Variants in MAPK6 observed in about 807,000 individuals in gnomAD.
The protein encoded by MAPK6 is mitogen-activated protein kinase 6.
A neutral mutation model predicts 59.3 loss-of-function variants in MAPK6; 19 were observed. That is an observed-to-expected ratio of 0.32 (90% CI 0.22 to 0.47). MAPK6 has a LOEUF of 0.47. MAPK6 is among the 20% of genes least tolerant of loss of function. The pLI, the probability that MAPK6 is intolerant of heterozygous loss-of-function variation, is 1.00. For missense variants in MAPK6, 724 were observed against 847.9 expected (o/e 0.85, Z 1.81); for synonymous variants, 316 against 290.3 (o/e 1.09, Z -0.90).
At position 52,034,393 on chromosome 15, in the gene MAPK6, A is replaced by G. The variant is rs137932797; in HGVS notation, c.-631-11437A>G. ...CGATGGCTGATCTCGGCTCATGGCA[A>G]CCTCTGCCTCCCGGGTTCAAGCAGT... On this transcript the variant is annotated intron_variant, in intron 1 of 5. Coordinates refer to ENST00000261845, the MANE Select transcript of MAPK6 (RefSeq NM_002748.4). Among the ~76,000 whole-genome samples the G allele has an allele frequency of 3.0e-3, 460 of 151,644 alleles. 4 individuals carry two copies. Among genetic ancestry groups the G allele is most frequent in the African/African-American group, 0.01 (430 of 41,334 alleles).
intron 1 of MAPK6, among the ~76,000 whole-genome samples, chr15:52,023,995 G>A (rs994290232): frequency 1.3e-5 from 2 of 152,140 alleles, no homozygotes; most frequent in Non-Finnish European, 2.9e-5. Flanking sequence ...TTGAATGTTT[G>A]TATAGCAAAT....
At chr15:52,045,324 T>C (rs2141084141) in intron 1 of MAPK6, among the ~76,000 whole-genome samples, 1 of 152,356 alleles carries the variant, frequency 6.6e-6, no homozygotes, top group East Asian at 1.9e-4. Flanking sequence ...ATAGGTATTA[T>C]TCATTGTTCA....
At chr15:52,031,311 CA>C (rs2031024794) in intron 1 of MAPK6, among the ~76,000 whole-genome samples, 1 of 152,022 alleles carries the variant, frequency 6.6e-6, no homozygotes, top group Admixed American at 6.6e-5. Flanking sequence ...CTATACTTGT[CA>C]ATAAAAAAAT....
At position 52,064,351 on chromosome 15, in the gene MAPK6, C is replaced by T. The variant is rs200496473; in HGVS notation, c.1517C>T (p.Ala506Val). The change falls in exon 6 of 6, where the codon GCG becomes GTG. Residue 506 changes from alanine to valine, a missense_variant. Around this residue, in one of 4 missense-constraint regions of MAPK6, gnomAD observed 502 missense variants for 507.6 expected, o/e 0.99. Coordinates refer to ENST00000261845, the MANE Select transcript of MAPK6 (RefSeq NM_002748.4). ...AATGGATTGGTTAAAGCCCAGATAG[C>T]GCTAGAGGAAGCATCACAGCAACTG... ...ERNGLVKAQI[A>V]LEEASQQLAG... is the part of the protein sequence containing the mutation. 15 of 1,611,378 alleles carry T rather than the reference C, an allele frequency of 9.3e-6. No individual in the cohort carries two copies. Among genetic ancestry groups the T allele is most frequent in the Middle Eastern group, 2.3e-4 (1 of 4,428 alleles).
intron 1 of MAPK6, among the ~76,000 whole-genome samples, chr15:52,029,004 C>T (rs925087231): frequency 6.6e-6 from 1 of 152,180 alleles, no homozygotes; most frequent in Admixed American, 6.5e-5. Context: ...GACATATGTT[C>T]TTGTTTTCCT....
chr15:52,058,916 A>G (rs2032090367), intron 4 of MAPK6, 119 bp downstream of exon 4: 2 of 716,878 alleles, frequency 2.8e-6, no homozygotes, highest in South Asian at 7.3e-5. Flanking sequence ...GTCTTTAGAC[A>G]CTTAAGGTGT....
chr15:52,046,294 G>A lies in MAPK6; in HGVS notation c.-167G>A, dbSNP rs1192086422. 6.9e-6 allele frequency: 4 copies of A among 583,450 alleles called. No homozygotes were observed. The highest frequency in any genetic ancestry group is 4.6e-4 in the Middle Eastern group (1 of 2,178). The allele number at this position is 583,450 out of a possible 1,614,324, so 36.1% of individuals were successfully genotyped here. A position where few individuals can be genotyped will look rare whatever the true frequency, so the allele number is the denominator to read the frequency against. On this transcript the variant is annotated 5_prime_UTR_variant, in exon 2 of 6. Coordinates refer to ENST00000261845, the MANE Select transcript of MAPK6 (RefSeq NM_002748.4). ...TGAGCTTTAAATCTAAGGGGAACTC[G>A]ACAGGCCTGTTTGGCATATGCAATG...
At chr15:51,998,687 A>ATTTTTGTTTTTTTTTTTTTTTTTT (rs2057233169) in intron 2 of MAPK6, among the ~76,000 whole-genome samples, 2 of 38,472 alleles carry the variant, frequency 5.2e-5, no homozygotes, top group Non-Finnish European at 9.3e-5. Context: ...TGCCTGGTTA[A>ATTTTTGTTTTTTTTTTTTTTTTTT]TTTTTTTTTT....
chr15:52,063,096 TCTCA>T (rs1353993004), intron 5 of MAPK6, among the ~76,000 whole-genome samples: 2 of 152,116 alleles, frequency 1.3e-5, no homozygotes, highest in Admixed American at 6.6e-5. Context: ...TGAGACGGAG[TCTCA>T]CTCTGTTGCC....
At chr15:51,987,702 T>G (rs1595958805) in intron 2 of MAPK6, among the ~76,000 whole-genome samples, 2 of 152,038 alleles carry the variant, frequency 1.3e-5, no homozygotes, top group East Asian at 3.9e-4. Context: ...CCTGAATTTT[T>G]ACTGCTCTTT....
intron 1 of MAPK6, among the ~76,000 whole-genome samples, chr15:51,973,881 A>G (rs2057149219): frequency 6.6e-6 from 1 of 151,640 alleles, no homozygotes; most frequent in Admixed American, 6.6e-5. Context: ...CAAACTCCTG[A>G]CCTCAGGTGA....
chr15:52,032,792 C>A (rs925926569), intron 1 of MAPK6, among the ~76,000 whole-genome samples: 3 of 152,216 alleles, frequency 2.0e-5, no homozygotes, highest in African/African-American at 4.8e-5. Context: ...TCAAGTGATT[C>A]TCCTGCCTCA....
At chr15:52,025,137 A>T (rs1408483206) in intron 1 of MAPK6, among the ~76,000 whole-genome samples, 3 of 152,110 alleles carry the variant, frequency 2.0e-5, no homozygotes, top group Non-Finnish European at 4.4e-5. Flanking sequence ...GCTACTTATG[A>T]GGCTGAGATG....
chr15:51,978,137 ATT>A (rs35197355), intron 1 of MAPK6, among the ~76,000 whole-genome samples: 2 of 147,356 alleles, frequency 1.4e-5, no homozygotes, highest in Admixed American at 6.7e-5. Flanking sequence ...TGACAGTTTA[ATT>A]TTTTTTTTTT....
chr15:52,039,843 G>A (rs1014026297), intron 1 of MAPK6, among the ~76,000 whole-genome samples: 20 of 152,112 alleles, frequency 1.3e-4, no homozygotes, highest in African/African-American at 4.1e-4. Context: ...TGGATACTTT[G>A]TTACTGTCTT....
At chr15:52,034,314 T>C (rs958021270) in intron 1 of MAPK6, among the ~76,000 whole-genome samples, 6 of 151,384 alleles carry the variant, frequency 4.0e-5, no homozygotes, top group African/African-American at 1.5e-4. Context: ...TCATTCTTTT[T>C]TGTCGTTCGT....
At chr15:52,051,869 CA>C (rs779400629) in intron 3 of MAPK6, among the ~76,000 whole-genome samples, 2,832 of 84,160 alleles carry the variant, frequency 0.034, 22 homozygotes, top group Middle Eastern at 0.082. Context: ...GACTCTGTCT[CA>C]AAAAAAAAAA....
At chr15:52,028,334 G>A in intron 1 of MAPK6, among the ~76,000 whole-genome samples, 1 of 152,110 alleles carries the variant, frequency 6.6e-6, no homozygotes, top group South Asian at 2.1e-4. Flanking sequence ...TGATTCATCT[G>A]CCTTGGCCTC....
chr15:52,003,210 CA>C (rs561030783), intron 2 of MAPK6, among the ~76,000 whole-genome samples: 1 of 151,336 alleles, frequency 6.6e-6, no homozygotes, highest in African/African-American at 2.4e-5. Context: ...AAAAAACAAA[CA>C]AAAAAAACAC....
Sources: allele counts gnomAD v4.1 joint callset (sites outside exome capture counted in the v4.1 genomes callset), GRCh38; gene constraint gnomAD v4.1.1; regional missense constraint gnomAD v4.1.1; transcripts MANE v1.5; gene names NCBI Gene and HGNC (gene_info 2026-07-23, HGNC 2026-07-21).